Variants in ATG10 observed in about 807,000 individuals in gnomAD.
ATG10 encodes the protein ubiquitin-like-conjugating enzyme ATG10.
A neutral mutation model predicts 32.1 loss-of-function variants in ATG10; 30 were observed. The observed-to-expected ratio is 0.94, with a 90% CI of 0.70 to 1.27. The LOEUF (loss-of-function observed/expected upper bound fraction) is 1.27, where lower values mean the gene tolerates loss of function less well. Ranked by LOEUF, ATG10 falls within the 50% of genes most tolerant of loss-of-function variation. ATG10 has a pLI of 0.00. For missense variants in ATG10, 233 were observed against 262.3 expected, an observed-to-expected ratio of 0.89 and a Z score of 0.77; for synonymous variants, 87 against 91.5, an observed-to-expected ratio of 0.95 and a Z score of 0.28.
At chr5:82,050,065 A>C (rs1444231562) in intron 2 of ATG10, among the ~76,000 whole-genome samples, 2 of 152,116 alleles carry the variant, frequency 1.3e-5, no homozygotes, top group Non-Finnish European at 2.9e-5. Context: ...GCACATATAA[A>C]TATATTTATA....
At chr5:82,098,178 A>G (rs1253228861) in intron 3 of ATG10, among the ~76,000 whole-genome samples, 1 of 152,194 alleles carries the variant, frequency 6.6e-6, no homozygotes, top group Non-Finnish European at 1.5e-5. Flanking sequence ...GATACATAGG[A>G]ATGAAACATT....
chr5:82,092,430 A>G (rs1764921712), intron 3 of ATG10, among the ~76,000 whole-genome samples: 1 of 152,206 alleles, frequency 6.6e-6, no homozygotes, highest in East Asian at 1.9e-4. Context: ...ATAACAAACC[A>G]TCTCAAAGCT....
At chr5:82,110,149 A>G (rs1029271577) in intron 3 of ATG10, among the ~76,000 whole-genome samples, 1 of 152,196 alleles carries the variant, frequency 6.6e-6, no homozygotes, top group Non-Finnish European at 1.5e-5. Flanking sequence ...TTATGGCTGC[A>G]TAGTATTCCA....
At chr5:82,019,965 G>T (rs971301993) in intron 2 of ATG10, among the ~76,000 whole-genome samples, 4 of 152,224 alleles carry the variant, frequency 2.6e-5, no homozygotes, top group Admixed American at 2.0e-4. Context: ...AAGGGGGATG[G>T]TGACTGCCTG....
chr5:82,066,315 G>A (rs1763940642), intron 3 of ATG10, among the ~76,000 whole-genome samples: 1 of 152,080 alleles, frequency 6.6e-6, no homozygotes, highest in Non-Finnish European at 1.5e-5. Context: ...TTTGTGTTCT[G>A]CTTGAAGTTC....
intron 2 of ATG10, among the ~76,000 whole-genome samples, chr5:82,037,242 T>G: frequency 1.8e-5 from 1 of 55,758 alleles, no homozygotes; most frequent in Non-Finnish European, 3.5e-5. Flanking sequence ...TACTTTTTTT[T>G]TTTTTTTTTT....
chr5:82,045,806 C>T (rs1041511947), intron 2 of ATG10, among the ~76,000 whole-genome samples: 5 of 152,048 alleles, frequency 3.3e-5, no homozygotes, highest in African/African-American at 1.2e-4. Flanking sequence ...TCTTGTCCCT[C>T]CTCTCTGCTA....
At chr5:82,210,698 A>C (rs1364329548) in intron 5 of ATG10, among the ~76,000 whole-genome samples, 1 of 152,094 alleles carries the variant, frequency 6.6e-6, no homozygotes, top group Non-Finnish European at 1.5e-5. Context: ...GGGGCTTTTA[A>C]GGAGGTTGAT....
At chr5:82,170,871 C>A (rs576435379) in intron 4 of ATG10, among the ~76,000 whole-genome samples, 2 of 152,156 alleles carry the variant, frequency 1.3e-5, no homozygotes, top group South Asian at 4.2e-4. Context: ...CGCTTGAACC[C>A]TGGAGGCGGA....
At chr5:82,166,329 G>GC (rs964968039) in intron 4 of ATG10, among the ~76,000 whole-genome samples, 5 of 152,000 alleles carry the variant, frequency 3.3e-5, no homozygotes, top group Non-Finnish European at 5.9e-5. Context: ...AGAAGCATTC[G>GC]CCCCCCACCA....
At chr5:81,976,754 G>A (rs1342312235) in intron 1 of ATG10, among the ~76,000 whole-genome samples, 5 of 152,174 alleles carry the variant, frequency 3.3e-5, no homozygotes, top group African/African-American at 1.2e-4. Context: ...TTATTGGAAC[G>A]CTAAGCTTGT....
intron 2 of ATG10, among the ~76,000 whole-genome samples, chr5:82,013,770 T>G (rs1482154159): frequency 6.6e-6 from 1 of 152,212 alleles, no homozygotes; most frequent in Admixed American, 6.5e-5. Flanking sequence ...GTAGAGCATT[T>G]TTTCATATGT....
At chr5:82,099,222 G>C (rs1440418045) in intron 3 of ATG10, among the ~76,000 whole-genome samples, 46 of 152,192 alleles carry the variant, frequency 3.0e-4, no homozygotes, top group Non-Finnish European at 4.4e-5. Context: ...GATGTGGTTT[G>C]TCCCTATTTC....
intron 5 of ATG10, among the ~76,000 whole-genome samples, chr5:82,224,308 C>T (rs1746035665): frequency 6.6e-6 from 1 of 152,104 alleles, no homozygotes; most frequent in Non-Finnish European, 1.5e-5. Flanking sequence ...GGATTTTTAC[C>T]TAGAGGTCAC....
At chr5:82,014,291 A>G (rs1212777908) in intron 2 of ATG10, among the ~76,000 whole-genome samples, 1 of 152,216 alleles carries the variant, frequency 6.6e-6, no homozygotes, top group Non-Finnish European at 1.5e-5. Flanking sequence ...GGTGCTGAGA[A>G]GAATGTATAT....
chr5:82,101,134 A>C (rs1765257059), intron 3 of ATG10, among the ~76,000 whole-genome samples: 1 of 152,150 alleles, frequency 6.6e-6, no homozygotes, highest in African/African-American at 2.4e-5. Context: ...TTAAGTTCCT[A>C]ATTAAGTTGT....
At chr5:82,154,191 C>T (rs1296766145) in intron 3 of ATG10, among the ~76,000 whole-genome samples, 1 of 152,116 alleles carries the variant, frequency 6.6e-6, no homozygotes, top group African/African-American at 2.4e-5. Flanking sequence ...TTTTAGTGTT[C>T]ATTAATGATG....
chr5:81,986,715 A>C (rs1761284876), intron 1 of ATG10, among the ~76,000 whole-genome samples: 1 of 152,148 alleles, frequency 6.6e-6, no homozygotes, highest in African/African-American at 2.4e-5. Context: ...AGTGTTTACT[A>C]TGCTAAGCAC....
chr5:82,139,696 G>A (rs1285040713), intron 3 of ATG10, among the ~76,000 whole-genome samples: 9 of 139,694 alleles, frequency 6.4e-5, no homozygotes, highest in South Asian at 2.4e-4. Flanking sequence ...CAGCCACCCC[G>A]TCCGGGAGGG....
Sources: allele counts gnomAD v4.1 joint callset (sites outside exome capture counted in the v4.1 genomes callset), GRCh38; gene constraint gnomAD v4.1.1; transcripts MANE v1.5; gene names NCBI Gene and HGNC (gene_info 2026-07-23, HGNC 2026-07-21).